Variants in TLN2 observed in about 807,000 individuals in gnomAD.
TLN2 encodes talin-2.
Under a neutral mutation model 294.7 loss-of-function variants are expected in TLN2, and 118 were observed. The observed-to-expected ratio is 0.40, with a 90% CI of 0.34 to 0.47. The LOEUF (loss-of-function observed/expected upper bound fraction) is 0.47, where lower values mean the gene tolerates loss of function less well. TLN2 is among the 20% of genes least tolerant of loss of function. The probability of loss-of-function intolerance (pLI) is 0.84; values close to 1 mark genes in which losing one functional copy is unlikely to be tolerated. For missense variants in TLN2, 3,083 were observed against 3,282.2 expected, an observed-to-expected ratio of 0.94 and a Z score of 1.48; for synonymous variants, 1,431 against 1,304.5, an observed-to-expected ratio of 1.10 and a Z score of -2.09.
chr15:62,683,532 C>T (rs56196325), intron 11 of TLN2, among the ~76,000 whole-genome samples: 38 of 107,728 alleles, frequency 3.5e-4, no homozygotes, highest in East Asian at 2.8e-3. Context: ...TGCATTCTCC[C>T]GCCTCTCATT....
chr15:62,581,951 G>C (rs922488133), intron 1 of TLN2, among the ~76,000 whole-genome samples: 1 of 151,878 alleles, frequency 6.6e-6, no homozygotes, highest in African/African-American at 2.4e-5. Context: ...GGCTGAGGCA[G>C]GAGAATCGTT....
At chr15:62,573,646 C>T (rs1182779614) in intron 1 of TLN2, among the ~76,000 whole-genome samples, 3 of 152,144 alleles carry the variant, frequency 2.0e-5, no homozygotes. Flanking sequence ...GCCCATTTCC[C>T]ATCTCTTCCA....
chr15:62,696,591 C>T (rs1467365029), intron 14 of TLN2, among the ~76,000 whole-genome samples: 1 of 152,050 alleles, frequency 6.6e-6, no homozygotes, highest in Non-Finnish European at 1.5e-5. Flanking sequence ...GCTGGTAATC[C>T]CAGCTACTTG....
At chr15:62,574,932 A>G (rs1280833520) in intron 1 of TLN2, among the ~76,000 whole-genome samples, 3 of 152,028 alleles carry the variant, frequency 2.0e-5, no homozygotes, top group African/African-American at 7.2e-5. Flanking sequence ...CCTACCTCCT[A>G]CAAATGTAGA....
At chr15:62,668,135 G>A (rs984701349) in intron 9 of TLN2, among the ~76,000 whole-genome samples, 8 of 152,132 alleles carry the variant, frequency 5.3e-5, no homozygotes, top group Non-Finnish European at 8.8e-5. Context: ...TGTTCCTTAT[G>A]TACAGTGTGA....
At chr15:62,420,169 T>A (rs2034309203) in intron 1 of TLN2, among the ~76,000 whole-genome samples, 1 of 152,234 alleles carries the variant, frequency 6.6e-6, no homozygotes, top group Non-Finnish European at 1.5e-5. Context: ...TAGAATTTAA[T>A]GTATTCATAG....
chr15:62,475,727 C>G (rs1256038377), intron 1 of TLN2, among the ~76,000 whole-genome samples: 1 of 152,036 alleles, frequency 6.6e-6, no homozygotes, highest in South Asian at 2.1e-4. Flanking sequence ...TTGTTTTTGA[C>G]GAAAACCAGG....
chr15:62,547,518 C>T (rs1352540405), intron 1 of TLN2, among the ~76,000 whole-genome samples: 1 of 152,184 alleles, frequency 6.6e-6, no homozygotes, highest in Non-Finnish European at 1.5e-5. Context: ...ATTTAAATCT[C>T]ACAGATGTAC....
At chr15:62,713,266 C>T (rs1190360325) in intron 22 of TLN2, among the ~76,000 whole-genome samples, 5 of 84,850 alleles carry the variant, frequency 5.9e-5, no homozygotes, top group Admixed American at 1.9e-4. Flanking sequence ...AGCAAACCTG[C>T]GTCTCAAAAA....
At chr15:62,806,002 A>T (rs1369551414) in intron 51 of TLN2, among the ~76,000 whole-genome samples, 1 of 152,150 alleles carries the variant, frequency 6.6e-6, no homozygotes, top group Non-Finnish European at 1.5e-5. Context: ...CAGCCTGGGC[A>T]ACATAGTGAG....
At chr15:62,393,805 C>T (rs1332826127) in intron 1 of TLN2, among the ~76,000 whole-genome samples, 1 of 151,168 alleles carries the variant, frequency 6.6e-6, no homozygotes, top group African/African-American at 2.4e-5. Flanking sequence ...ATGCCTCTCT[C>T]AACAAATTGT....
chr15:62,648,073 C>A (rs771301107), intron 4 of TLN2, among the ~76,000 whole-genome samples: 1 of 152,054 alleles, frequency 6.6e-6, no homozygotes, highest in Non-Finnish European at 1.5e-5. Flanking sequence ...GAAATTGGAT[C>A]CCTTCCAAAT....
At chr15:62,796,076 T>C (rs773023032) in intron 46 of TLN2, 51 bp from the exon 47 acceptor site, 13 of 1,594,662 alleles carry the variant, frequency 8.2e-6, no homozygotes, top group Non-Finnish European at 1.0e-5. Flanking sequence ...TGCTTTTAGG[T>C]CCTGTTCTCT....
At chr15:62,784,762 C>T (rs1024147340) in intron 45 of TLN2, 4 of 152,170 alleles carry the variant, frequency 2.6e-5, no homozygotes, top group South Asian at 4.1e-4. Context: ...TAATTATATT[C>T]TGTGAAATTC....
intron 1 of TLN2, among the ~76,000 whole-genome samples, chr15:62,511,607 G>A (rs1452050325): frequency 4.3e-5 from 6 of 141,030 alleles, no homozygotes; most frequent in Admixed American, 2.1e-4. Context: ...CCCACCCCCA[G>A]CGTGAGAAGC....
intron 1 of TLN2, among the ~76,000 whole-genome samples, chr15:62,570,350 A>C (rs1418197563): frequency 6.6e-6 from 1 of 152,206 alleles, no homozygotes; most frequent in African/African-American, 2.4e-5. Context: ...GAAAAAAGCA[A>C]ATATTTGTCT....
chr15:62,828,599 A>G (rs1406416205), intron 54 of TLN2: 2 of 152,248 alleles, frequency 1.3e-5, no homozygotes, highest in Non-Finnish European at 2.9e-5. Context: ...GGCTGCAAGT[A>G]GAGTGTACAA....
chr15:62,646,586 T>C (rs2051878593), intron 3 of TLN2, among the ~76,000 whole-genome samples: 1 of 152,244 alleles, frequency 6.6e-6, no homozygotes. Flanking sequence ...TGAAGCTTCT[T>C]GGTACCCTTT....
rs2070628341 is a variant in TLN2 at position 62,841,019 on chromosome 15, T to TA, written c.*409_*410insA. 1 of 154,778 alleles carries TA rather than the reference T, an allele frequency of 6.5e-6. No homozygotes were observed. Among genetic ancestry groups the TA allele is most frequent in the Non-Finnish European group, 1.4e-5 (1 of 69,568 alleles). The allele number at this position is 154,778 out of a possible 1,614,324, so 9.6% of individuals were successfully genotyped here. ...AAATCATTGACGTCATAGAATATTC[T>TA]TCTTCCTCTCAGGAGAAGACGGAAG... On this transcript the variant is annotated 3_prime_UTR_variant, in exon 59 of 59. Transcript: ENST00000636159.
Sources: gnomAD v4.1 joint callset for allele counts (sites outside exome capture counted in the v4.1 genomes callset) on GRCh38, gnomAD v4.1.1 for gene constraint, MANE v1.5 for transcripts, NCBI Gene and HGNC (gene_info 2026-07-23, HGNC 2026-07-21) for gene names.